Variants in CTNNA3 observed in about 807,000 individuals in gnomAD.
The protein encoded by CTNNA3 is catenin alpha 3.
CTNNA3 carries 76 observed loss-of-function variants against 95.7 expected under a neutral mutation model. The observed-to-expected ratio is 0.79, with a 90% CI of 0.66 to 0.96. The LOEUF is 0.96. Ranked by LOEUF, CTNNA3 falls within the 40% of genes least tolerant of loss-of-function variation. The pLI, the probability that CTNNA3 is intolerant of heterozygous loss-of-function variation, is 0.00. For missense variants in CTNNA3, 1,191 were observed against 1,089.8 expected (o/e 1.09, Z -1.31); for synonymous variants, 431 against 374.4 (o/e 1.15, Z -1.74).
At chr10:66,884,998 T>A (rs907049265) in intron 7 of CTNNA3, among the ~76,000 whole-genome samples, 3 of 152,108 alleles carry the variant, frequency 2.0e-5, no homozygotes, top group African/African-American at 7.2e-5. Flanking sequence ...TCCCAGGTTA[T>A]TACATAGCTT....
intron 7 of CTNNA3, among the ~76,000 whole-genome samples, chr10:66,970,195 C>G (rs1849640770): frequency 6.6e-6 from 1 of 152,078 alleles, no homozygotes; most frequent in Non-Finnish European, 1.5e-5. Context: ...TAAACTAGAG[C>G]AAGGTCAGTT....
At chr10:66,575,155 G>C (rs61867463) in intron 10 of CTNNA3, among the ~76,000 whole-genome samples, 1 of 151,932 alleles carries the variant, frequency 6.6e-6, no homozygotes, top group South Asian at 2.1e-4. Flanking sequence ...TCTTTTCTCC[G>C]GAAGAGAGGC....
chr10:67,485,649 A>G (rs1395528423), intron 5 of CTNNA3, among the ~76,000 whole-genome samples: 1 of 152,196 alleles, frequency 6.6e-6, no homozygotes, highest in Non-Finnish European at 1.5e-5. Context: ...ACCCAATTTT[A>G]CTTTCTCATC....
At chr10:66,942,539 T>C (rs1265653444) in intron 7 of CTNNA3, among the ~76,000 whole-genome samples, 1 of 149,682 alleles carries the variant, frequency 6.7e-6, no homozygotes, top group Non-Finnish European at 1.5e-5. Flanking sequence ...TTTAAAACAT[T>C]GCCATAATGT....
intron 13 of CTNNA3, among the ~76,000 whole-genome samples, chr10:66,146,873 AT>A (rs1485114239): frequency 3.9e-5 from 6 of 152,286 alleles, no homozygotes; most frequent in Admixed American, 2.6e-4. Context: ...ACCAGGGAAA[AT>A]ATTAGTACTT....
In CTNNA3 at chr10:67,023,533, T is replaced by C. The variant is rs181916931; in HGVS notation, c.1047+156784A>G. Among the ~76,000 whole-genome samples the C allele has an allele frequency of 3.3e-5, 5 of 152,310 alleles. No homozygotes were observed. The East Asian group carries it at 9.7e-4, about 29-fold the overall frequency. On this transcript the variant is annotated intron_variant, in intron 7 of 17. Transcript: ENST00000433211. Reference sequence around the variant, plus strand: ...CTCTAACTTAAGGGATCTATGATAATACATGATTCTTCCACTTCTCATACC... The same window carrying C: ...CTCTAACTTAAGGGATCTATGATAACACATGATTCTTCCACTTCTCATACC...
At chr10:66,692,435 A>T (rs1431787239) in intron 9 of CTNNA3, among the ~76,000 whole-genome samples, 1 of 152,162 alleles carries the variant, frequency 6.6e-6, no homozygotes, top group Non-Finnish European at 1.5e-5. Flanking sequence ...AGAAACGAAC[A>T]AAGCCTCCAA....
intron 11 of CTNNA3, among the ~76,000 whole-genome samples, chr10:66,387,792 TCAGGGA>T (rs1300205522): frequency 1.3e-5 from 2 of 152,018 alleles, no homozygotes; most frequent in African/African-American, 2.4e-5. Flanking sequence ...CATGTCCTTT[TCAGGGA>T]CATGGATGAA....
At chr10:66,982,564 T>A (rs1850501194) in intron 7 of CTNNA3, among the ~76,000 whole-genome samples, 1 of 152,144 alleles carries the variant, frequency 6.6e-6, no homozygotes, top group African/African-American at 2.4e-5. Flanking sequence ...GGAAGAGGTA[T>A]AAAATATTAT....
At chr10:66,680,787 G>A (rs761756178) in intron 9 of CTNNA3, among the ~76,000 whole-genome samples, 4 of 152,108 alleles carry the variant, frequency 2.6e-5, no homozygotes, top group Admixed American at 6.6e-5. Context: ...AGATGGATAC[G>A]TAGCATGAAC....
intron 5 of CTNNA3, among the ~76,000 whole-genome samples, chr10:67,279,409 A>C (rs1175806686): frequency 6.6e-6 from 1 of 152,122 alleles, no homozygotes; most frequent in Non-Finnish European, 1.5e-5. Flanking sequence ...TCACCGAAAC[A>C]GTCTGTGGTC....
intron 3 of CTNNA3, among the ~76,000 whole-genome samples, chr10:67,578,952 T>A (rs1253352160): frequency 4.9e-5 from 7 of 143,752 alleles, no homozygotes; most frequent in Admixed American, 1.4e-4. Context: ...TTGGCCATGT[T>A]GAACTATCCT....
At chr10:67,345,429 G>A (rs1336678797) in intron 5 of CTNNA3, among the ~76,000 whole-genome samples, 1 of 151,996 alleles carries the variant, frequency 6.6e-6, no homozygotes, top group Non-Finnish European at 1.5e-5. Flanking sequence ...TGAAAGTGGG[G>A]TGTTGAAGTC....
chr10:66,043,644 C>T (rs1205238918), intron 15 of CTNNA3, among the ~76,000 whole-genome samples: 1 of 152,132 alleles, frequency 6.6e-6, no homozygotes, highest in Non-Finnish European at 1.5e-5. Context: ...TGAATGCTGT[C>T]AGAGCAGGTG....
In CTNNA3 at chr10:66,685,299, GTA is replaced by G. The variant is rs1589122157; in HGVS notation, c.1282-63517_1282-63516del. Among the ~76,000 whole-genome samples, 16 of 81,210 alleles carry G rather than the reference GTA, an allele frequency of 2.0e-4. 1 individual carries two copies. Among genetic ancestry groups the G allele is most frequent in the African/African-American group, 4.3e-4 (7 of 16,136 alleles). 53.3% of individuals were successfully genotyped at this position (81,210 alleles called of 152,430 possible). A position where few individuals can be genotyped will look rare whatever the true frequency, so the allele number is the denominator to read the frequency against. On this transcript the variant is annotated intron_variant, in intron 9 of 17. Transcript: ENST00000433211. ...CGTATATATAAGTATATATATGTGTGTATATATATGTGTGTGTGTATGTGTGT... is the reference window on the plus strand; with the variant it reads ...CGTATATATAAGTATATATATGTGTGTATATATGTGTGTGTGTATGTGTGT...
At chr10:67,494,483 T>C (rs1199775839) in intron 5 of CTNNA3, among the ~76,000 whole-genome samples, 1 of 152,168 alleles carries the variant, frequency 6.6e-6, no homozygotes, top group Non-Finnish European at 1.5e-5. Context: ...TTATAGAAAA[T>C]AGCAGCAGCT....
In CTNNA3 at chr10:66,731,284, G is replaced by A. The variant is rs151071795; in HGVS notation, c.1281+34980C>T. Among the ~76,000 whole-genome samples the A allele has an allele frequency of 2.0e-4, 30 of 152,304 alleles. No individual in the cohort carries two copies. In the East Asian group the frequency reaches 5.8e-3, roughly 29 times the overall value. ...GTCATTACCCTCTAGAACTGGAGGT[G>A]CTCTTTTAATTACAATATTGCTAAT... On this transcript the variant is annotated intron_variant, in intron 9 of 17. Transcript: ENST00000433211.
At chr10:65,985,849 G>C (rs1479469407) in intron 16 of CTNNA3, among the ~76,000 whole-genome samples, 1 of 151,396 alleles carries the variant, frequency 6.6e-6, no homozygotes, top group Non-Finnish European at 1.5e-5. Flanking sequence ...CTAGTTTATA[G>C]ATAACATGGT....
intron 4 of CTNNA3, among the ~76,000 whole-genome samples, chr10:67,532,461 G>A (rs1006963944): frequency 1.3e-5 from 2 of 152,134 alleles, no homozygotes; most frequent in African/African-American, 2.4e-5. Flanking sequence ...AAATTATGTA[G>A]CAAATGTTAA....
Sources: gnomAD v4.1 joint callset for allele counts (sites outside exome capture counted in the v4.1 genomes callset) on GRCh38, gnomAD v4.1.1 for gene constraint, MANE v1.5 for transcripts, NCBI Gene and HGNC (gene_info 2026-07-23, HGNC 2026-07-21) for gene names.